The following CYFIP1 variants were observed in gnomAD, a reference collection of about 807,000 sequenced individuals.
The protein encoded by CYFIP1 is cytoplasmic FMR1-interacting protein 1.
Under a neutral mutation model 163.5 loss-of-function variants are expected in CYFIP1, and 58 were observed. The ratio of observed to expected loss-of-function variants is 0.35; its 90% CI spans 0.29 to 0.44. The LOEUF is 0.44. CYFIP1 is among the 20% of genes least tolerant of loss of function. The pLI, the probability that CYFIP1 is intolerant of heterozygous loss-of-function variation, is 1.00. For missense variants in CYFIP1, 1,338 were observed against 1,653.8 expected (o/e 0.81, Z 3.31); for synonymous variants, 663 against 660.7 (o/e 1.00, Z -0.05).
In CYFIP1 at chr15:22,944,845, C is replaced by T. The variant is rs1315972876; in HGVS notation, c.285+17G>A. 3.7e-6 allele frequency: 6 copies of T among 1,611,818 alleles called. No homozygotes were observed. In the East Asian group the frequency reaches 1.3e-4, roughly 36 times the overall value. ...GCAGGGTGTGGCTGGAGGGGAAGAG[C>T]CAGGCGAGCGTGGCACCTGTGGGAT... On this transcript the variant is annotated intron_variant, in intron 4 of 30. Transcript: ENST00000617928.
intron 13 of CYFIP1, among the ~76,000 whole-genome samples, chr15:22,922,884 T>C (rs762822427): frequency 6.6e-6 from 1 of 151,710 alleles, no homozygotes; most frequent in Non-Finnish European, 1.5e-5. Flanking sequence ...CCCAGCTACT[T>C]GGGAGGCTGA....
At chr15:22,913,434 C>T (rs1595583019) in intron 17 of CYFIP1, among the ~76,000 whole-genome samples, 1 of 128,138 alleles carries the variant, frequency 7.8e-6, no homozygotes, top group East Asian at 2.5e-4. Context: ...ATGCTGAGGC[C>T]GGAGAATTGC....
At chr15:22,890,075 G>C (rs1595525296) in intron 23 of CYFIP1, among the ~76,000 whole-genome samples, 1 of 152,110 alleles carries the variant, frequency 6.6e-6, no homozygotes, top group East Asian at 1.9e-4. Context: ...GCCAAGGTGG[G>C]CGGATCATTT....
chr15:22,928,396 TA>T (rs869310599), intron 11 of CYFIP1, among the ~76,000 whole-genome samples: 70 of 9,326 alleles, frequency 7.5e-3, no homozygotes, highest in African/African-American at 0.028. Flanking sequence ...AAATAATAAA[TA>T]AATAAATAAA....
At chr15:22,905,532 GGGT>G in intron 21 of CYFIP1, 1 of 145,714 alleles carries the variant, frequency 6.9e-6, no homozygotes, top group South Asian at 2.2e-4. Context: ...AAAAACTCCT[GGGT>G]TCAAGCGATT....
intron 1 of CYFIP1, among the ~76,000 whole-genome samples, chr15:22,953,237 G>T (rs922127009): frequency 6.6e-6 from 1 of 152,112 alleles, no homozygotes; most frequent in East Asian, 1.9e-4. Context: ...CAGAGCCAGC[G>T]TGGGGGCCCT....
intron 6 of CYFIP1, 92 bp downstream of exon 6, chr15:22,943,081 A>G (rs1356906298): frequency 8.6e-6 from 11 of 1,277,302 alleles, no homozygotes; most frequent in Non-Finnish European, 1.2e-5. Flanking sequence ...TGACGACTTC[A>G]GCAAACAAAG....
intron 11 of CYFIP1, 38 bp from the exon 12 acceptor site, chr15:22,928,066 C>T: frequency 6.8e-7 from 1 of 1,461,056 alleles, no homozygotes; most frequent in Non-Finnish European, 9.0e-7. Flanking sequence ...GAAACCAGCG[C>T]CCCCACCCAG....
At chr15:22,948,058 G>A (rs1379776185) in intron 1 of CYFIP1, 11 of 928,670 alleles carry the variant, frequency 1.2e-5, no homozygotes, top group Non-Finnish European at 1.4e-5. Flanking sequence ...CAGGTGGCCT[G>A]GAGGAGACAC....
At chr15:22,918,563 G>C (rs2061073601) in intron 14 of CYFIP1, 129 bp downstream of exon 14, 2 of 818,350 alleles carry the variant, frequency 2.4e-6, no homozygotes, top group East Asian at 6.0e-5. Context: ...AATTCACCAA[G>C]AGGGCATCTG....
At chr15:22,926,938 C>G (rs955499047) in intron 12 of CYFIP1, among the ~76,000 whole-genome samples, 6 of 152,184 alleles carry the variant, frequency 3.9e-5, no homozygotes, top group Admixed American at 3.3e-4. Flanking sequence ...TAGATCTTTG[C>G]AAACTGTATG....
At chr15:22,902,112 C>T (rs2060411748) in intron 22 of CYFIP1, among the ~76,000 whole-genome samples, 3 of 152,230 alleles carry the variant, frequency 2.0e-5, no homozygotes, top group South Asian at 4.1e-4. Flanking sequence ...AGGTGACACA[C>T]ATGAAATTGG....
At chr15:22,881,518 T>C (rs915336823) in intron 25 of CYFIP1, among the ~76,000 whole-genome samples, 3 of 145,770 alleles carry the variant, frequency 2.1e-5, no homozygotes, top group Non-Finnish European at 4.6e-5. Flanking sequence ...TCGGTGGGCC[T>C]GTCTCTGAGC....
At chr15:22,931,315 G>A (rs530788945) in intron 11 of CYFIP1, among the ~76,000 whole-genome samples, 7 of 152,314 alleles carry the variant, frequency 4.6e-5, no homozygotes, top group Admixed American at 4.6e-4. Context: ...CTGGGTGAGT[G>A]AGGAGAATGG....
intron 1 of CYFIP1, among the ~76,000 whole-genome samples, chr15:22,979,838 T>G (rs984257043): frequency 6.6e-6 from 1 of 152,170 alleles, no homozygotes; most frequent in African/African-American, 2.4e-5. Flanking sequence ...GTTCAGATCT[T>G]GCTGCGCGAC....
chr15:22,976,044 A>G (rs1429340769), intron 1 of CYFIP1, among the ~76,000 whole-genome samples: 1 of 152,118 alleles, frequency 6.6e-6, no homozygotes, highest in Non-Finnish European at 1.5e-5. Flanking sequence ...CATTTACTTA[A>G]ATGATCTTTG....
At chr15:22,972,765 C>T (rs1245193136) in intron 1 of CYFIP1, among the ~76,000 whole-genome samples, 4 of 152,110 alleles carry the variant, frequency 2.6e-5, no homozygotes, top group Admixed American at 6.5e-5. Context: ...ATAATCCCTG[C>T]GAAGCCCAGG....
rs978924981 is a variant in CYFIP1 at position 22,867,390 on chromosome 15, CAAAA to C, written c.*2634_*2637del. On this transcript the variant is annotated 3_prime_UTR_variant, in exon 31 of 31. Transcript: ENST00000617928. ...ATGAAGGAACCTCTTTCTTACAAAACAAAAAAAAGGGCAGAAATCACCCCAAGGA... is the reference window on the plus strand; with the variant it reads ...ATGAAGGAACCTCTTTCTTACAAAACAAAAGGGCAGAAATCACCCCAAGGA... 2.3e-5 allele frequency: 9 copies of C among 386,560 alleles called. No homozygotes were observed. Among genetic ancestry groups the C allele is most frequent in the African/African-American group, 1.0e-4 (5 of 48,326 alleles). 23.9% of individuals were successfully genotyped at this position (386,560 alleles called of 1,614,324 possible). A position where few individuals can be genotyped will look rare whatever the true frequency, so the allele number is the denominator to read the frequency against.
intron 1 of CYFIP1, among the ~76,000 whole-genome samples, chr15:22,950,370 C>A (rs12324433): frequency 0.15 from 22,608 of 152,048 alleles, 1,813 homozygotes; most frequent in African/African-American, 0.17. Context: ...CAGACCCAGC[C>A]AGCCTCCGAG....
Sources: allele counts gnomAD v4.1 joint callset (sites outside exome capture counted in the v4.1 genomes callset), GRCh38; gene constraint gnomAD v4.1.1; transcripts MANE v1.5; gene names NCBI Gene and HGNC (gene_info 2026-07-23, HGNC 2026-07-21).